SLC1A6: variants seen among roughly 807,000 people sequenced by gnomAD.
SLC1A6 encodes the protein solute carrier family 1 member 6.
A neutral mutation model predicts 42.1 loss-of-function variants in SLC1A6; 15 were observed. That is an observed-to-expected ratio of 0.36 (90% CI 0.24 to 0.55). The LOEUF is 0.55. Among genes scored for constraint, SLC1A6 ranks in the 20% least tolerant of loss-of-function variants. The pLI is 0.88. For missense variants in SLC1A6, 542 were observed against 772.5 expected (o/e 0.70, Z 3.54); for synonymous variants, 317 against 319.7 (o/e 0.99, Z 0.09).
intron 3 of SLC1A6, among the ~76,000 whole-genome samples, chr19:14,971,316 C>G (rs955074563): frequency 3.3e-5 from 5 of 152,080 alleles, no homozygotes; most frequent in Non-Finnish European, 7.4e-5. Flanking sequence ...GCCAACCATA[C>G]TCCCATCCCA....
At chr19:14,995,939 G>A (rs971389241) in intron 1 of SLC1A6, among the ~76,000 whole-genome samples, 1 of 152,090 alleles carries the variant, frequency 6.6e-6, no homozygotes, top group East Asian at 1.9e-4. Context: ...GGAAGGAAAA[G>A]GGGGTGTCCA....
chr19:14,984,308 G>A (rs1446223133), upstream of SLC1A6, among the ~76,000 whole-genome samples: 1 of 151,910 alleles, frequency 6.6e-6, no homozygotes, highest in African/African-American at 2.4e-5. Flanking sequence ...CCTCCAGCCT[G>A]GGCAACAAGA....
In SLC1A6 at chr19:14,959,307, G is replaced by A. The variant is rs146507550; in HGVS notation, c.936-2598C>T. ...AAAAGTTTTAAATTATTAGCCAGTC[G>A]GGATTTAGTTTAGATTGTAAAGTCT... On this transcript the variant is annotated intron_variant, in intron 6 of 9. Coordinates refer to ENST00000594383, the MANE Select transcript of SLC1A6 (RefSeq NM_005071.3). Among the ~76,000 whole-genome samples, 412 of 152,254 alleles carry A rather than the reference G, an allele frequency of 2.7e-3. 1 individual carries two copies. Among genetic ancestry groups the A allele is most frequent in the African/African-American group, 8.9e-3 (371 of 41,534 alleles).
chr19:14,989,752 CGGGG>C lies in SLC1A6; in HGVS notation c.7-16839_7-16836del, dbSNP rs756851109. ...AACTTTGGGAGGCTGAGTGGGGTGG[CGGGG>C]GGTGGGGTGTGGATCACCTGAGGTT... On this transcript the variant is annotated intron_variant, in intron 1 of 8. Transcript: ENST00000430939. Among the ~76,000 whole-genome samples the C allele has an allele frequency of 5.9e-5, 4 of 67,572 alleles. No homozygotes were observed. The East Asian group carries it at 1.4e-3, about 24-fold the overall frequency. 44.3% of individuals were successfully genotyped at this position (67,572 alleles called of 152,430 possible). A position where few individuals can be genotyped will look rare whatever the true frequency, so the allele number is the denominator to read the frequency against.
intron 1 of SLC1A6, among the ~76,000 whole-genome samples, chr19:14,990,266 G>T (rs2056803944): frequency 6.6e-6 from 1 of 152,074 alleles, no homozygotes; most frequent in Non-Finnish European, 1.5e-5. Flanking sequence ...ATGAACAAAT[G>T]ACAGGATTTC....
chr19:15,004,893 T>C (rs2045888772), intron 1 of SLC1A6, among the ~76,000 whole-genome samples: 1 of 152,212 alleles, frequency 6.6e-6, no homozygotes, highest in African/African-American at 2.4e-5. Flanking sequence ...TGAACATCAC[T>C]GTTTCTGTTC....
rs200280508 is a variant in SLC1A6, at chr19:15,004,078, C to T, written c.6+6407G>A. On this transcript the variant is annotated intron_variant, in intron 1 of 8. Transcript: ENST00000430939. ...GGCTGAGGCAGGAGAATTGCTTGAA[C>T]CCAGGAGGAGGAGGTTGCAGTGAGC... 2.6e-5 allele frequency among the ~76,000 whole-genome samples: 4 copies of T among 152,148 alleles called. No individual in the cohort carries two copies. The East Asian group carries it at 5.8e-4, about 22-fold the overall frequency.
At chr19:15,005,328 T>G (rs1383816010) in intron 1 of SLC1A6, among the ~76,000 whole-genome samples, 3 of 149,638 alleles carry the variant, frequency 2.0e-5, no homozygotes, top group Non-Finnish European at 4.4e-5. Flanking sequence ...CCAACAATGG[T>G]GAACAAATTG....
intron 6 of SLC1A6, chr19:14,961,278 A>G (rs894419664): frequency 4.6e-5 from 7 of 152,238 alleles, no homozygotes; most frequent in African/African-American, 1.7e-4. Flanking sequence ...GCTCAACTGA[A>G]CCATTCCACA....
intron 1 of SLC1A6, among the ~76,000 whole-genome samples, chr19:15,002,533 C>T (rs973148586): frequency 6.6e-6 from 1 of 152,134 alleles, no homozygotes; most frequent in Non-Finnish European, 1.5e-5. Context: ...CAGCATCTAT[C>T]ATGTTTGCCA....
At chr19:14,953,826 G>T (rs76278348) in intron 8 of SLC1A6, among the ~76,000 whole-genome samples, 4,035 of 152,196 alleles carry the variant, frequency 0.027, 182 homozygotes, top group East Asian at 0.22. Context: ...ACAAATATAA[G>T]AATCTATATA....
intron 8 of SLC1A6, among the ~76,000 whole-genome samples, chr19:14,953,439 G>T (rs2045432026): frequency 6.6e-6 from 1 of 151,740 alleles, no homozygotes; most frequent in South Asian, 2.1e-4. Flanking sequence ...GTAGAGATGG[G>T]GTTTCACCAT....
chr19:14,994,650 T>C (rs1158429114), intron 1 of SLC1A6, among the ~76,000 whole-genome samples: 1 of 152,126 alleles, frequency 6.6e-6, no homozygotes, highest in Non-Finnish European at 1.5e-5. Flanking sequence ...GGGTTGGCTT[T>C]GTGAAAGTAA....
At chr19:14,977,881 G>C (rs1458335826) in intron 1 of SLC1A6, 3 of 152,170 alleles carry the variant, frequency 2.0e-5, no homozygotes, top group Non-Finnish European at 2.9e-5. Flanking sequence ...ATTAAGAATA[G>C]AGTAAAATGC....
chr19:14,994,557 A>T (rs1024607639), intron 1 of SLC1A6, among the ~76,000 whole-genome samples: 19 of 152,284 alleles, frequency 1.2e-4, no homozygotes, highest in Admixed American at 1.2e-3. Flanking sequence ...GTTAGAGAGA[A>T]TGCAACCCTC....
intron 4 of SLC1A6, 92 bp downstream of exon 4, chr19:14,968,211 G>T: frequency 9.3e-7 from 1 of 1,073,574 alleles, no homozygotes; most frequent in Non-Finnish European, 1.4e-6. Context: ...TTCCCAGCCT[G>T]TGGGATGACC....
upstream of SLC1A6, among the ~76,000 whole-genome samples, chr19:14,980,734 C>T (rs933419219): frequency 7.2e-5 from 11 of 151,766 alleles, no homozygotes; most frequent in South Asian, 1.9e-3. Flanking sequence ...TGATGGCGAC[C>T]TCCTGAACTA....
rs55642339 is a variant in SLC1A6 at position 15,003,855 on chromosome 19, T to G, written c.6+6630A>C. On this transcript the variant is annotated intron_variant, in intron 1 of 8. Transcript: ENST00000430939. Reference sequence around the variant, plus strand: ...AGGAATTTCTATAAAGTGTTCTTTATTATAAAAATCAAGAGAGCTGCCAGG... The same window carrying G: ...AGGAATTTCTATAAAGTGTTCTTTAGTATAAAAATCAAGAGAGCTGCCAGG... 4.2e-3 allele frequency among the ~76,000 whole-genome samples: 640 copies of G among 152,264 alleles called. 5 individuals carry two copies. Among genetic ancestry groups the G allele is most frequent in the Middle Eastern group, 6.8e-3 (2 of 294 alleles).
chr19:14,970,940 A>G (rs8109792), intron 3 of SLC1A6, among the ~76,000 whole-genome samples: 57,579 of 151,526 alleles, frequency 0.38, 11,268 homozygotes, highest in East Asian at 0.58. Context: ...TATCATCCTG[A>G]CCAATATGGT....
Sources: allele counts gnomAD v4.1 joint callset (sites outside exome capture counted in the v4.1 genomes callset), GRCh38; gene constraint gnomAD v4.1.1; transcripts MANE v1.5; gene names NCBI Gene and HGNC (gene_info 2026-07-23, HGNC 2026-07-21).